Variants in ADGRD1 observed in about 807,000 individuals in gnomAD.
ADGRD1 encodes the protein G-protein coupled receptor 133.
A neutral mutation model predicts 113.4 loss-of-function variants in ADGRD1; 77 were observed. The ratio of observed to expected loss-of-function variants is 0.68; its 90% CI spans 0.57 to 0.82. The LOEUF is 0.82. ADGRD1 is among the 40% of genes least tolerant of loss of function. ADGRD1 has a pLI of 0.00. For synonymous variants in ADGRD1, 474 were observed against 475.0 expected (o/e 1.00, Z 0.03); for missense variants, 1,036 against 1,139.1 (o/e 0.91, Z 1.30).
chr12:131,032,520 C>T (rs1027962870), intron 13 of ADGRD1, among the ~76,000 whole-genome samples: 12 of 152,218 alleles, frequency 7.9e-5, no homozygotes, highest in Non-Finnish European at 1.6e-4. Context: ...CACCTGCACA[C>T]GAACTCTCGG....
intron 13 of ADGRD1, among the ~76,000 whole-genome samples, chr12:131,046,467 G>A (rs1430983604): frequency 7.3e-6 from 1 of 136,782 alleles, no homozygotes; most frequent in Non-Finnish European, 1.6e-5. Context: ...GTCCTCCCTG[G>A]TCAGCGCTCC....
In ADGRD1 at chr12:131,021,011, T is replaced by C. The variant is rs1317501696; in HGVS notation, c.1473+6671T>C. Among the ~76,000 whole-genome samples the C allele has an allele frequency of 3.3e-5, 5 of 152,226 alleles. No individual in the cohort carries two copies. The East Asian group carries it at 7.7e-4, about 23-fold the overall frequency. ...TTGTCAAAGAAACCCTATGTGTGGG[T>C]TGCATTCAGCCAGGAGGTCAACAGT... On this transcript the variant is annotated intron_variant, in intron 13 of 24. Coordinates refer to ENST00000261654, the MANE Select transcript of ADGRD1 (RefSeq NM_198827.5).
At chr12:131,068,055 T>C (rs917656853) in intron 13 of ADGRD1, among the ~76,000 whole-genome samples, 1 of 152,138 alleles carries the variant, frequency 6.6e-6, no homozygotes, top group African/African-American at 2.4e-5. Flanking sequence ...CTGATCCTTC[T>C]GGAGGGAGAT....
At chr12:130,978,404 A>C (rs1360914436) in intron 4 of ADGRD1, 2 of 152,150 alleles carry the variant, frequency 1.3e-5, no homozygotes, top group Non-Finnish European at 2.9e-5. Context: ...TTTAGGATTC[A>C]GTGCTTATAA....
intron 15 of ADGRD1, among the ~76,000 whole-genome samples, chr12:131,102,748 G>A (rs1950118899): frequency 6.6e-6 from 1 of 152,200 alleles, no homozygotes; most frequent in Non-Finnish European, 1.5e-5. Flanking sequence ...TGATTCCCAG[G>A]GGTCAGAGGT....
chr12:130,955,938 G>T (rs1372909918), intron 2 of ADGRD1, among the ~76,000 whole-genome samples: 1 of 152,134 alleles, frequency 6.6e-6, no homozygotes, highest in Non-Finnish European at 1.5e-5. Flanking sequence ...ACAGGCCCAT[G>T]CCACCACGCC....
At chr12:131,054,239 A>C (rs2137056336) in intron 13 of ADGRD1, among the ~76,000 whole-genome samples, 1 of 152,326 alleles carries the variant, frequency 6.6e-6, no homozygotes, top group South Asian at 2.1e-4. Flanking sequence ...TGTCACCCCG[A>C]AAGTTCCCTG....
intron 13 of ADGRD1, among the ~76,000 whole-genome samples, chr12:131,049,340 C>G (rs1268453307): frequency 6.6e-6 from 1 of 152,224 alleles, no homozygotes; most frequent in Admixed American, 6.5e-5. Context: ...TCCTCTGCTC[C>G]TCTCACTCCC....
intron 19 of ADGRD1, among the ~76,000 whole-genome samples, chr12:131,120,261 C>T (rs866626597): frequency 2.6e-5 from 4 of 152,162 alleles, no homozygotes; most frequent in Non-Finnish European, 2.9e-5. Flanking sequence ...TTGACAGTGC[C>T]GTAGGCTCTG....
At chr12:131,072,949 C>A (rs1885299850) in intron 13 of ADGRD1, among the ~76,000 whole-genome samples, 1 of 152,208 alleles carries the variant, frequency 6.6e-6, no homozygotes, top group Non-Finnish European at 1.5e-5. Context: ...ACCAGACAGG[C>A]CCACATGCAG....
intron 13 of ADGRD1, among the ~76,000 whole-genome samples, chr12:131,062,117 C>G (rs1272533610): frequency 6.6e-6 from 1 of 152,136 alleles, no homozygotes; most frequent in Admixed American, 6.5e-5. Context: ...ACCTCCGCCT[C>G]CCAGATTCAA....
At chr12:130,997,086 G>C (rs1231060286) in intron 8 of ADGRD1, among the ~76,000 whole-genome samples, 1 of 133,070 alleles carries the variant, frequency 7.5e-6, no homozygotes, top group African/African-American at 2.8e-5. Flanking sequence ...AGGGGCGGCC[G>C]GGCAGAGGCA....
Position 130,966,355 on chromosome 12 carries a change from A to T in ADGRD1, c.104-108A>T, listed in dbSNP as rs1870988198. On this transcript the variant is annotated intron_variant, in intron 2 of 24. Transcript: ENST00000261654. This position sits in a 1 kb window ranked among gnomAD's most constrained non-coding sequence, Gnocchi z 4.6. ...TATGCTTTCAGTATCTCCCACAGACATGGGATCCTTTTACTCTTCCCCCAT... is the reference window on the plus strand; with the variant it reads ...TATGCTTTCAGTATCTCCCACAGACTTGGGATCCTTTTACTCTTCCCCCAT... 4.2e-6 allele frequency: 3 copies of T among 706,008 alleles called. No individual in the cohort carries two copies. The highest frequency in any genetic ancestry group is 7.7e-6 in the Non-Finnish European group (3 of 388,072). 43.7% of individuals were successfully genotyped at this position (706,008 alleles called of 1,614,324 possible). A position where few individuals can be genotyped will look rare whatever the true frequency, so the allele number is the denominator to read the frequency against.
chr12:131,086,551 G>A (rs1481625377), intron 15 of ADGRD1, among the ~76,000 whole-genome samples: 1 of 152,220 alleles, frequency 6.6e-6, no homozygotes, highest in Non-Finnish European at 1.5e-5. Flanking sequence ...AATGGAGACA[G>A]GGCCCTGGTT....
At chr12:131,088,587 G>A (rs1886669398) in intron 15 of ADGRD1, among the ~76,000 whole-genome samples, 1 of 152,122 alleles carries the variant, frequency 6.6e-6, no homozygotes, top group African/African-American at 2.4e-5. Flanking sequence ...GGGACGGAGG[G>A]CAAGGAGGGA....
At chr12:131,046,062 C>T (rs1317797245) in intron 13 of ADGRD1, among the ~76,000 whole-genome samples, 1 of 145,342 alleles carries the variant, frequency 6.9e-6, no homozygotes, top group Non-Finnish European at 1.5e-5. Flanking sequence ...TCTCCCAGGT[C>T]AGTGTCCTTC....
chr12:131,003,237 A>T lies in ADGRD1; in HGVS notation c.1079A>T (p.His360Leu). Residue 360 changes from histidine (H) to leucine (L), a missense_variant, in exon 10 of 25, where the codon CAT (histidine) becomes CTT (leucine). Coordinates refer to ENST00000261654, the MANE Select transcript of ADGRD1 (RefSeq NM_198827.5). This position sits in a 1 kb window ranked among gnomAD's most constrained non-coding sequence, Gnocchi z 4.8. ...GACACTATTGACACCGTCATGGGCC[A>T]TGTATCCTCCAACCTGCACGGCAGC... ...LIDTIDTVMGHVSSNLHGSTP... is the reference protein window; with the variant it reads ...LIDTIDTVMGLVSSNLHGSTP... 1.2e-6 allele frequency: 2 copies of T among 1,614,106 alleles called. No homozygotes were observed. Among genetic ancestry groups the T allele is most frequent in the Non-Finnish European group, 1.7e-6 (2 of 1,180,008 alleles).
At chr12:131,004,662 C>T (rs1876866242) in intron 11 of ADGRD1, among the ~76,000 whole-genome samples, 1 of 152,206 alleles carries the variant, frequency 6.6e-6, no homozygotes, top group Non-Finnish European at 1.5e-5. Context: ...TAAATCGGCA[C>T]ACACCTGGTC....
In ADGRD1 at chr12:131,014,323, C is replaced by T. The variant is rs1878301045; in HGVS notation, c.1456C>T (p.His486Tyr). 1.2e-6 allele frequency: 2 copies of T among 1,613,196 alleles called. No individual in the cohort carries two copies. The highest frequency in any genetic ancestry group is 1.7e-6 in the Non-Finnish European group (2 of 1,179,554). The change falls in exon 13 of 25, where the codon CAC becomes TAC. Residue 486 changes from histidine to tyrosine, a missense_variant. His to Tyr is a moderately conservative substitution (Grantham distance 83, BLOSUM62 2). Coordinates refer to ENST00000261654, the MANE Select transcript of ADGRD1 (RefSeq NM_198827.5). ...GTCGGGCTCTCCACTCATTACGGTCCACCTCAAGCACAGATTGGTGAGTGG... is the reference window on the plus strand; with the variant it reads ...GTCGGGCTCTCCACTCATTACGGTCTACCTCAAGCACAGATTGGTGAGTGG... ...NLSGSPLITV[H>Y]LKHRLTRKQH...
Sources: gnomAD v4.1 joint callset for allele counts (sites outside exome capture counted in the v4.1 genomes callset) on GRCh38, gnomAD v4.1.1 for gene constraint, Gnocchi (gnomAD v3.1) non-coding constraint, MANE v1.5 for transcripts, NCBI Gene and HGNC (gene_info 2026-07-23, HGNC 2026-07-21) for gene names.